CAST: variants seen among roughly 807,000 people sequenced by gnomAD.
CAST encodes calpastatin.
CAST carries 76 observed loss-of-function variants against 119.6 expected under a neutral mutation model. That is an observed-to-expected ratio of 0.64 (90% CI 0.53 to 0.77). The LOEUF is 0.77. CAST is among the 30% of genes least tolerant of loss of function. The pLI, the probability that CAST is intolerant of heterozygous loss-of-function variation, is 0.00. For missense variants in CAST, 953 were observed against 946.5 expected (o/e 1.01, Z -0.09); for synonymous variants, 319 against 331.6 (o/e 0.96, Z 0.41).
At chr5:96,195,146 C>T in the CAST span, among the ~76,000 whole-genome samples, 1 of 152,136 alleles carries the variant, frequency 6.6e-6, no homozygotes, top group Admixed American at 6.6e-5. Flanking sequence ...TTAATATAAA[C>T]AAAAGCTTTG....
At chr5:96,415,611 T>C in the CAST span, among the ~76,000 whole-genome samples, 1 of 152,234 alleles carries the variant, frequency 6.6e-6, no homozygotes, top group Non-Finnish European at 1.5e-5. Context: ...ATAATAAGTA[T>C]GTACTTTTTT....
In CAST at chr5:96,737,964, T is replaced by C; in HGVS notation, c.798+17T>C. On this transcript the variant is annotated intron_variant, in intron 11 of 31. Coordinates refer to ENST00000675179, the MANE Select transcript of CAST (RefSeq NM_001750.7). ...GAAGTTTCAGTATGTGATCATGATA[T>C]CTGTAAAAATTCATACTCAGTGGGT... The C allele has an allele frequency of 7.1e-7, 1 of 1,403,488 alleles. No individual in the cohort carries two copies. The highest frequency in any genetic ancestry group is 1.7e-5 in the Admixed American group (1 of 59,108). The allele number at this position is 1,403,488 out of a possible 1,614,324, so 86.9% of individuals were successfully genotyped here. A position where few individuals can be genotyped will look rare whatever the true frequency, so the allele number is the denominator to read the frequency against.
chr5:96,164,415 C>A, the CAST span, among the ~76,000 whole-genome samples: 2,037 of 152,308 alleles, frequency 0.013, 35 homozygotes, highest in South Asian at 0.078. Flanking sequence ...CTGGGTGCAG[C>A]CTCATTTTGG....
chr5:96,478,541 A>G, the CAST span, among the ~76,000 whole-genome samples: 1 of 152,222 alleles, frequency 6.6e-6, no homozygotes, highest in Non-Finnish European at 1.5e-5. Flanking sequence ...GTTAAGGTAA[A>G]GCCTTACACC....
the CAST span, among the ~76,000 whole-genome samples, chr5:96,144,601 G>T: frequency 6.6e-6 from 1 of 151,466 alleles, no homozygotes; most frequent in African/African-American, 2.4e-5. Context: ...CTTCCACTTT[G>T]GCCTCTTTTG....
At chr5:96,343,956 C>T in the CAST span, among the ~76,000 whole-genome samples, 32 of 152,300 alleles carry the variant, frequency 2.1e-4, no homozygotes, top group African/African-American at 4.6e-4. Context: ...GTTTATTCAT[C>T]GTAGGGTCTA....
the CAST span, among the ~76,000 whole-genome samples, chr5:96,226,467 A>G: frequency 6.6e-6 from 1 of 152,178 alleles, no homozygotes; most frequent in African/African-American, 2.4e-5. Flanking sequence ...CCTGGGCAAC[A>G]TGGCAAAACC....
At chr5:96,408,546 C>T in the CAST span, among the ~76,000 whole-genome samples, 1 of 152,160 alleles carries the variant, frequency 6.6e-6, no homozygotes, top group East Asian at 1.9e-4. Flanking sequence ...CAGCAAGATG[C>T]CTTTTCTGGG....
At chr5:96,725,349 C>G (rs969922867) in intron 4 of CAST, among the ~76,000 whole-genome samples, 1 of 152,166 alleles carries the variant, frequency 6.6e-6, no homozygotes, top group African/African-American at 2.4e-5. Flanking sequence ...TTGGACAATT[C>G]CTGTCCTAAG....
the CAST span, among the ~76,000 whole-genome samples, chr5:96,476,469 G>C: frequency 1.3e-5 from 2 of 152,172 alleles, no homozygotes; most frequent in Admixed American, 1.3e-4. Context: ...TAGGAATTAT[G>C]AAAATATTTA....
the CAST span, among the ~76,000 whole-genome samples, chr5:96,107,736 C>T: frequency 2.5e-3 from 385 of 152,144 alleles, 1 homozygote; most frequent in Non-Finnish European, 3.8e-3. Context: ...ATCTTTGTGG[C>T]GTTCTCTGTA....
chr5:96,042,971 A>G, the CAST span, among the ~76,000 whole-genome samples: 2 of 152,186 alleles, frequency 1.3e-5, no homozygotes, highest in Non-Finnish European at 2.9e-5. Context: ...CAAATAAACC[A>G]GAAGCCCATG....
chr5:95,969,363 G>A, the CAST span, among the ~76,000 whole-genome samples: 4 of 152,298 alleles, frequency 2.6e-5, no homozygotes, highest in South Asian at 8.3e-4. Flanking sequence ...ATTCACTGTT[G>A]TAGGCAGTTA....
chr5:96,114,639 T>C, the CAST span, among the ~76,000 whole-genome samples: 1 of 152,196 alleles, frequency 6.6e-6, no homozygotes, highest in African/African-American at 2.4e-5. Context: ...CTACTGCTGA[T>C]TTCATGATTT....
chr5:96,087,486 T>C, the CAST span, among the ~76,000 whole-genome samples: 1 of 152,180 alleles, frequency 6.6e-6, no homozygotes, highest in Non-Finnish European at 1.5e-5. Flanking sequence ...AAGTGCATAA[T>C]AGAGGAAAGG....
At chr5:96,365,695 C>A in the CAST span, among the ~76,000 whole-genome samples, 25 of 152,264 alleles carry the variant, frequency 1.6e-4, no homozygotes, top group East Asian at 1.5e-3. Flanking sequence ...TCCTCCATCC[C>A]TTTATTTTGA....
the CAST span, among the ~76,000 whole-genome samples, chr5:96,484,688 C>A: frequency 6.6e-6 from 1 of 152,100 alleles, no homozygotes; most frequent in South Asian, 2.1e-4. Flanking sequence ...TAGAGAATAT[C>A]TTGAGCTCTT....
At chr5:96,535,449 T>TA (rs1305294333) in intron 1 of CAST, among the ~76,000 whole-genome samples, 1 of 152,118 alleles carries the variant, frequency 6.6e-6, no homozygotes, top group Non-Finnish European at 1.5e-5. Context: ...AACAGCTTTT[T>TA]AAAATTAGAA....
chr5:96,428,211 C>T, the CAST span, among the ~76,000 whole-genome samples: 18 of 152,064 alleles, frequency 1.2e-4, no homozygotes, highest in Admixed American at 9.8e-4. Context: ...TCATGAATTT[C>T]GTCTACTTTC....
Sources: gnomAD v4.1 joint callset for allele counts (sites outside exome capture counted in the v4.1 genomes callset) on GRCh38, gnomAD v4.1.1 for gene constraint, MANE v1.5 for transcripts, NCBI Gene and HGNC (gene_info 2026-07-23, HGNC 2026-07-21) for gene names.